The following FHL3 variants were observed in gnomAD, a reference collection of about 807,000 sequenced individuals.
FHL3 encodes four and a half LIM domains 3.
FHL3 carries 21 observed loss-of-function variants against 34.3 expected under a neutral mutation model. The observed-to-expected ratio is 0.61, with a 90% CI of 0.43 to 0.88. The LOEUF (loss-of-function observed/expected upper bound fraction) is 0.88. Ranked by LOEUF, FHL3 falls within the 40% of genes least tolerant of loss-of-function variation. FHL3 has a pLI of 0.00. For synonymous variants in FHL3, 137 were observed against 144.6 expected (o/e 0.95, Z 0.38); for missense variants, 333 against 373.7 (o/e 0.89, Z 0.90).
At chr1:37,999,557 G>C (rs1646572336) in intron 1 of FHL3, 125 bp from the exon 2 acceptor site, 3 of 826,770 alleles carry the variant, frequency 3.6e-6, no homozygotes, top group Non-Finnish European at 5.6e-6. Context: ...GTTCAGAGTA[G>C]GTGGGGATGG....
Position 37,997,454 on chromosome 1 carries a change from G to C in FHL3, c.794C>G (p.Pro265Arg), listed in dbSNP as rs761123957. 1 of 1,613,904 alleles carries C rather than the reference G, an allele frequency of 6.2e-7. No individual in the cohort carries two copies. The highest frequency in any genetic ancestry group is 1.1e-5 in the South Asian group (1 of 91,080). The change falls in exon 6 of 6, where the codon CCG becomes CGG. Residue 265 changes from proline to arginine, a missense_variant. Physicochemically the swap from Pro to Arg is moderately radical, Grantham distance 103. Coordinates refer to ENST00000373016, the MANE Select transcript of FHL3 (RefSeq NM_004468.5). The surrounding 1 kb of genome is among the most constrained non-coding windows in gnomAD (Gnocchi z 4.3). ...CTGGCAGAGCACTTGGTCTCCATCC[G>C]GTACGAAGCCCTGGCCCACCAGGGA... The part of the protein sequence containing the change: ...STSLVGQGFV[P>R]DGDQVLCQGC...
At position 37,997,835 on chromosome 1, in the gene FHL3, C is replaced by A. The variant is rs138169868; in HGVS notation, c.537G>T (p.Gln179His). The A allele has an allele frequency of 6.2e-7, 1 of 1,614,094 alleles. No individual in the cohort carries two copies. Among genetic ancestry groups the A allele is most frequent in the Admixed American group, 1.7e-5 (1 of 60,022 alleles). ...AGACCAGACATTCTCGATGCCACGGCTGATCACGGTATGTCACTCCACCCT... is the reference window on the plus strand; with the variant it reads ...AGACCAGACATTCTCGATGCCACGGATGATCACGGTATGTCACTCCACCCT... ...LTQGGVTYRD[Q>H]PWHRECLVCT... Residue 179 changes from glutamine to histidine, a missense_variant, in exon 5 of 6, where the codon CAG (glutamine) becomes CAT (histidine). By Grantham distance (24) the Gln-to-His change is conservative. Transcript: ENST00000373016. The surrounding 1 kb of genome is among the most constrained non-coding windows in gnomAD (Gnocchi z 4.3).
Position 37,997,835 on chromosome 1 carries a change from C to T in FHL3, c.537G>A (p.Gln179=). The change falls in exon 5 of 6, where the codon CAG becomes CAA. Residue 179 remains glutamine, a synonymous_variant. Coordinates refer to ENST00000373016, the MANE Select transcript of FHL3 (RefSeq NM_004468.5). This position sits in a 1 kb window ranked among gnomAD's most constrained non-coding sequence, Gnocchi z 4.3. ...LTQGGVTYRD[Q]PWHRECLVCT... ...AGACCAGACATTCTCGATGCCACGG[C>T]TGATCACGGTATGTCACTCCACCCT... The T allele has an allele frequency of 6.2e-7, 1 of 1,614,094 alleles. No homozygotes were observed. The highest frequency in any genetic ancestry group is 1.3e-5 in the African/African-American group (1 of 75,032).
chr1:38,001,451 C>T (rs781095885), intron 1 of FHL3, among the ~76,000 whole-genome samples: 20 of 152,228 alleles, frequency 1.3e-4, no homozygotes, highest in Admixed American at 2.6e-4. Context: ...GTCAGCACTC[C>T]GAAACCAGGG....
intron 1 of FHL3, among the ~76,000 whole-genome samples, chr1:38,003,068 G>A (rs149169399): frequency 0.047 from 7,101 of 151,958 alleles, 217 homozygotes; most frequent in Middle Eastern, 0.085. Context: ...TGAGGCAGGA[G>A]AATTGCTTGA....
At chr1:38,001,250 C>T (rs903499624) in intron 1 of FHL3, among the ~76,000 whole-genome samples, 2 of 152,254 alleles carry the variant, frequency 1.3e-5, no homozygotes, top group Admixed American at 6.5e-5. Context: ...TCCTGCCACT[C>T]AGGCCCAGGT....
At chr1:37,998,433 G>C (rs1489430108) in intron 3 of FHL3, among the ~76,000 whole-genome samples, 1 of 152,082 alleles carries the variant, frequency 6.6e-6, no homozygotes, top group Non-Finnish European at 1.5e-5. Flanking sequence ...CTCACTAAGA[G>C]CTAAGCCCTC....
chr1:38,003,269 G>A (rs1023920643), intron 1 of FHL3, among the ~76,000 whole-genome samples: 3 of 152,008 alleles, frequency 2.0e-5, no homozygotes, highest in African/African-American at 7.2e-5. Context: ...GCCCAGCTAG[G>A]TTTTTCTATT....
At chr1:38,002,076 T>A (rs948556945) in intron 1 of FHL3, among the ~76,000 whole-genome samples, 2 of 151,182 alleles carry the variant, frequency 1.3e-5, no homozygotes, top group African/African-American at 4.9e-5. Flanking sequence ...CACAGGCAGG[T>A]CTGGGTCAAG....
Position 37,997,715 on chromosome 1 carries a change from A to T in FHL3, c.657T>A (p.Pro219=). ...TGGGGCGCTTGCAGCTGCTGCACTT[A>T]GGTGCAAAGAGTTCTCCAAAACAGG... ...CVACFGELFA[P]KCSSCKRPIV... The change falls in exon 5 of 6, where the codon CCT becomes CCA. Residue 219 remains proline, a synonymous_variant. Coordinates refer to ENST00000373016, the MANE Select transcript of FHL3 (RefSeq NM_004468.5). This position sits in a 1 kb window ranked among gnomAD's most constrained non-coding sequence, Gnocchi z 4.3. 6.2e-7 allele frequency: 1 copy of T among 1,614,100 alleles called. No individual in the cohort carries two copies. Among genetic ancestry groups the T allele is most frequent in the Non-Finnish European group, 8.5e-7 (1 of 1,179,990 alleles).
chr1:38,003,815 T>G (rs1190508184), intron 1 of FHL3, among the ~76,000 whole-genome samples: 1 of 152,142 alleles, frequency 6.6e-6, no homozygotes, highest in Non-Finnish European at 1.5e-5. Flanking sequence ...GATGGTGACA[T>G]GGGGGTGGTC....
Position 37,997,196 on chromosome 1 carries a change from T to G in FHL3, c.*209A>C. 1.8e-6 allele frequency: 1 copy of G among 568,024 alleles called. No individual in the cohort carries two copies. Among genetic ancestry groups the G allele is most frequent in the Non-Finnish European group, 3.1e-6 (1 of 319,818 alleles). The allele number at this position is 568,024 out of a possible 1,614,324, so 35.2% of individuals were successfully genotyped here. A position where few individuals can be genotyped will look rare whatever the true frequency, so the allele number is the denominator to read the frequency against. Reference sequence around the variant, plus strand: ...GGAGTCCAGGTGTGGGGAGGGGGCTTGACTCATGGAGGCTCTGTAAGAGCC... The same window carrying G: ...GGAGTCCAGGTGTGGGGAGGGGGCTGGACTCATGGAGGCTCTGTAAGAGCC... On this transcript the variant is annotated 3_prime_UTR_variant, in exon 6 of 6. Coordinates refer to ENST00000373016, the MANE Select transcript of FHL3 (RefSeq NM_004468.5). This position sits in a 1 kb window ranked among gnomAD's most constrained non-coding sequence, Gnocchi z 4.3.
Position 37,997,775 on chromosome 1 carries a change from C to T in FHL3, c.597G>A (p.Gln199=). 6.2e-7 allele frequency: 1 copy of T among 1,614,172 alleles called. No individual in the cohort carries two copies. Among genetic ancestry groups the T allele is most frequent in the East Asian group, 2.2e-5 (1 of 44,878 alleles). The change falls in exon 5 of 6, where the codon CAG becomes CAA. Residue 199 remains glutamine, a synonymous_variant. Coordinates refer to ENST00000373016, the MANE Select transcript of FHL3 (RefSeq NM_004468.5). This position sits in a 1 kb window ranked among gnomAD's most constrained non-coding sequence, Gnocchi z 4.3. ...TGCQTPLAGQ[Q]FTSRDEDPYC... ...AGGGATCTTCATCCCGGGAGGTGAA[C>T]TGCTGCCCTGCCAGGGGCGTCTGGC...
At chr1:38,001,975 G>C (rs1033400569) in intron 1 of FHL3, among the ~76,000 whole-genome samples, 14 of 152,154 alleles carry the variant, frequency 9.2e-5, no homozygotes, top group Non-Finnish European at 1.5e-4. Context: ...TACTTGTAAA[G>C]CACCTGGCAG....
intron 1 of FHL3, among the ~76,000 whole-genome samples, chr1:38,003,639 A>T (rs1011371243): frequency 1.3e-5 from 2 of 152,178 alleles, no homozygotes; most frequent in African/African-American, 4.8e-5. Flanking sequence ...ATCAGATCTC[A>T]CAAAAGGCAG....
In FHL3 at chr1:37,997,232, GC is replaced by G. The variant is rs1646542668; in HGVS notation, c.*172del. The G allele has an allele frequency of 5.9e-6, 4 of 672,334 alleles. No individual in the cohort carries two copies. The highest frequency in any genetic ancestry group is 1.8e-5 in the African/African-American group (1 of 55,414). The allele number at this position is 672,334 out of a possible 1,614,324, so 41.6% of individuals were successfully genotyped here. On this transcript the variant is annotated 3_prime_UTR_variant, in exon 6 of 6. Transcript: ENST00000373016. This position sits in a 1 kb window ranked among gnomAD's most constrained non-coding sequence, Gnocchi z 4.3. The stretch of plus-strand genomic sequence containing the variant: ...GGCTCTGTAAGAGCCCAGGTTTGGG[GC>G]CCTGGGTCAGGGAGTACCAGTTTGG...
At chr1:37,998,250 A>C (rs1360027067) in intron 3 of FHL3, 118 bp from the exon 4 acceptor site, 17 of 863,436 alleles carry the variant, frequency 2.0e-5, no homozygotes, top group Non-Finnish European at 2.9e-5. Flanking sequence ...GTGTCCGTGC[A>C]CATGCAGCAA....
intron 3 of FHL3, 70 bp from the exon 4 acceptor site, chr1:37,998,202 C>T: frequency 2.1e-6 from 3 of 1,397,012 alleles, no homozygotes; most frequent in Non-Finnish European, 3.0e-6. Context: ...TGTAACTTCC[C>T]CAGGAGTCTC....
intron 1 of FHL3, among the ~76,000 whole-genome samples, chr1:38,003,422 G>T (rs964956787): frequency 6.6e-6 from 1 of 152,176 alleles, no homozygotes; most frequent in Non-Finnish European, 1.5e-5. Context: ...AATTTGACCT[G>T]GACATTCTCA....
Sources: allele counts gnomAD v4.1 joint callset (sites outside exome capture counted in the v4.1 genomes callset), GRCh38; gene constraint gnomAD v4.1.1; non-coding constraint Gnocchi (gnomAD v3.1); transcripts MANE v1.5; gene names NCBI Gene and HGNC (gene_info 2026-07-23, HGNC 2026-07-21).